The following NHS variants were observed in gnomAD, a reference collection of about 807,000 sequenced individuals.
NHS encodes the protein NHS actin remodeling regulator, also known as actin remodeling regulator NHS.
Under a neutral mutation model 72.5 loss-of-function variants are expected in NHS, and 5 were observed. That is an observed-to-expected ratio of 0.07 (90% CI 0.04 to 0.14). The LOEUF (loss-of-function observed/expected upper bound fraction) is 0.14. Among genes scored for constraint, NHS ranks in the 10% least tolerant of loss-of-function variants. NHS has a pLI of 1.00. For missense variants in NHS, 1,072 were observed against 1,355.7 expected (o/e 0.79, Z 3.29); for synonymous variants, 464 against 547.7 (o/e 0.85, Z 2.13).
chrX:17,611,384 T>C (rs1362991682), intron 1 of NHS, among the ~76,000 whole-genome samples: 1 of 112,125 alleles, frequency 8.9e-6, no homozygotes, highest in Non-Finnish European at 1.9e-5. Flanking sequence ...CTCAAGGCTG[T>C]GCCTGCACAT....
intron 1 of NHS, among the ~76,000 whole-genome samples, chrX:17,512,610 T>G (rs941166389): frequency 1.8e-5 from 2 of 112,481 alleles, no homozygotes; most frequent in Non-Finnish European, 3.8e-5. Flanking sequence ...CACTTTTCTG[T>G]GTTCACCTAC....
At chrX:17,636,330 C>T (rs998770299) in intron 1 of NHS, among the ~76,000 whole-genome samples, 6 of 112,565 alleles carry the variant, frequency 5.3e-5, no homozygotes, top group African/African-American at 1.9e-4. Flanking sequence ...CTTCACTATA[C>T]TTCTTTATCA....
chrX:17,537,868 G>C (rs1357489998), intron 1 of NHS, among the ~76,000 whole-genome samples: 1 of 111,709 alleles, frequency 9.0e-6, no homozygotes, highest in Non-Finnish European at 1.9e-5. Context: ...CTGGGGGCAC[G>C]CGACGCCTGA....
At chrX:17,479,303 T>C (rs748641927) in intron 1 of NHS, among the ~76,000 whole-genome samples, 5 of 112,712 alleles carry the variant, frequency 4.4e-5, no homozygotes, top group African/African-American at 1.3e-4. Flanking sequence ...CAGTGTATCA[T>C]TGATGGGCAT....
At chrX:17,527,326 G>A (rs1048481812) in intron 1 of NHS, among the ~76,000 whole-genome samples, 3 of 113,268 alleles carry the variant, frequency 2.6e-5, no homozygotes. Flanking sequence ...GCTGACTTGG[G>A]CTCCCAAGTG....
At chrX:17,612,703 G>T (rs1213622626) in intron 1 of NHS, among the ~76,000 whole-genome samples, 6 of 111,603 alleles carry the variant, frequency 5.4e-5, no homozygotes, top group Non-Finnish European at 1.1e-4. Context: ...AAATGCCTTG[G>T]ATCTTCCATC....
rs752537323 is a variant in NHS at position 17,726,402 on chromosome X, T to A, written c.2296T>A (p.Ser766Thr). The A allele has an allele frequency of 8.3e-7, 1 of 1,211,800 alleles. No individual in the cohort carries two copies. Among genetic ancestry groups the A allele is most frequent in the Non-Finnish European group, 1.1e-6 (1 of 895,497 alleles). Reference protein sequence around the residue: ...MATYDSFLEKSPSDKADTSSH... With the variant: ...MATYDSFLEKTPSDKADTSSH... ...CACTTATGACAGCTTTCTGGAAAAGTCTCCATCAGACAAAGCGGACACTAG... is the reference window on the plus strand; with the variant it reads ...CACTTATGACAGCTTTCTGGAAAAGACTCCATCAGACAAAGCGGACACTAG... Residue 766 changes from serine to threonine, a missense_variant, in exon 7 of 9, where the codon TCT becomes ACT. Physicochemically the swap from Ser to Thr is moderately conservative, Grantham distance 58 (BLOSUM62 1). Coordinates refer to ENST00000676302, the MANE Select transcript of NHS (RefSeq NM_001291867.2).
chrX:17,425,553 A>G (rs2064651513), intron 1 of NHS, among the ~76,000 whole-genome samples: 1 of 89,027 alleles, frequency 1.1e-5, no homozygotes, highest in African/African-American at 4.4e-5. Flanking sequence ...AAAAAAAAAA[A>G]AAAAAAAAAA....
intron 1 of NHS, among the ~76,000 whole-genome samples, chrX:17,377,368 C>T (rs1177163595): frequency 3.5e-5 from 4 of 112,955 alleles, no homozygotes; most frequent in African/African-American, 1.3e-4. Context: ...ACGGCAGAAT[C>T]ATTTAGGAAC....
chrX:17,383,107 T>C (rs113194394), intron 1 of NHS, among the ~76,000 whole-genome samples: 3,285 of 112,004 alleles, frequency 0.029, 122 homozygotes, highest in African/African-American at 0.1. Context: ...CATCCTATCT[T>C]TGCTGTCTTC....
At chrX:17,652,363 A>G (rs966444952) in intron 1 of NHS, among the ~76,000 whole-genome samples, 1 of 112,736 alleles carries the variant, frequency 8.9e-6, no homozygotes, top group African/African-American at 3.2e-5. Flanking sequence ...AGATGAATGG[A>G]TAAAGAATAT....
intron 1 of NHS, among the ~76,000 whole-genome samples, chrX:17,521,743 TG>T (rs1453560520): frequency 8.9e-6 from 1 of 112,483 alleles, no homozygotes; most frequent in Non-Finnish European, 1.9e-5. Flanking sequence ...TTGGGAGAGA[TG>T]TCTGCTCAAT....
chrX:17,490,426 G>C (rs897950913), intron 1 of NHS, among the ~76,000 whole-genome samples: 13 of 112,021 alleles, frequency 1.2e-4, no homozygotes, highest in Non-Finnish European at 2.1e-4. Context: ...TCAAAGATCA[G>C]ATAGTTGTAA....
At chrX:17,483,523 T>G (rs1378589261) in intron 1 of NHS, among the ~76,000 whole-genome samples, 1 of 112,359 alleles carries the variant, frequency 8.9e-6, no homozygotes, top group African/African-American at 3.2e-5. Context: ...AAAATATCTG[T>G]TTGTGGCTCT....
intron 1 of NHS, among the ~76,000 whole-genome samples, chrX:17,614,167 T>C (rs780192027): frequency 8.9e-6 from 1 of 112,241 alleles, no homozygotes; most frequent in East Asian, 2.8e-4. Flanking sequence ...GGATGAGTGA[T>C]AGCTATAAGC....
intron 1 of NHS, among the ~76,000 whole-genome samples, chrX:17,529,277 G>T (rs1233671555): frequency 4.5e-5 from 5 of 112,205 alleles, no homozygotes; most frequent in African/African-American, 1.6e-4. Flanking sequence ...TGAACAGAAG[G>T]CCTGATTTCA....
At chrX:17,485,155 G>A (rs1174339306) in intron 1 of NHS, among the ~76,000 whole-genome samples, 1 of 112,201 alleles carries the variant, frequency 8.9e-6, no homozygotes, top group African/African-American at 3.2e-5. Context: ...TAGATCTAAA[G>A]AGGCTCCCAG....
At chrX:17,397,033 C>T (rs1336950384) in intron 1 of NHS, among the ~76,000 whole-genome samples, 6 of 112,543 alleles carry the variant, frequency 5.3e-5, no homozygotes, top group Admixed American at 2.8e-4. Flanking sequence ...TGAAGTTAGC[C>T]TCTTTTAAAG....
chrX:17,376,104 C>A lies in NHS; in HGVS notation c.347C>A (p.Ala116Glu). ...GAGGCGTCCTCGGCGGCGGCGGCGG[C>A]GGCCGTGCTGCTCATGCTGGACCTA... Reference protein sequence around the residue: ...AGEASSAAAAAAVLLMLDLCA... With the variant: ...AGEASSAAAAEAVLLMLDLCA... Residue 116 changes from alanine (A) to glutamate (E), a missense_variant, in exon 1 of 9, where the codon GCG becomes GAG. Physicochemically the swap from Ala to Glu is moderately radical, Grantham distance 107. Transcript: ENST00000676302. The A allele has an allele frequency of 9.1e-7, 1 of 1,102,863 alleles. No individual in the cohort carries two copies. The allele number at this position is 1,102,863 out of a possible 1,213,427, so 90.9% of individuals were successfully genotyped here. A position where few individuals can be genotyped will look rare whatever the true frequency, so the allele number is the denominator to read the frequency against.
Sources: gnomAD v4.1 joint callset for allele counts (sites outside exome capture counted in the v4.1 genomes callset) on GRCh38, gnomAD v4.1.1 for gene constraint, MANE v1.5 for transcripts, NCBI Gene and HGNC (gene_info 2026-07-23, HGNC 2026-07-21) for gene names.